The following SEL1L2 variants were observed in gnomAD, a reference collection of about 807,000 sequenced individuals.
The protein encoded by SEL1L2 is SEL1L2 adaptor subunit of SYVN1 ubiquitin ligase, also known as protein sel-1 homolog 2.
In SEL1L2, 89 loss-of-function variants were observed where a neutral mutation model predicts 98.8. The ratio of observed to expected loss-of-function variants is 0.90; its 90% confidence interval spans 0.76 to 1.07. SEL1L2 has a LOEUF of 1.07. SEL1L2 is among the 50% of genes least tolerant of loss of function. SEL1L2 has a pLI of 0.00. For synonymous variants in SEL1L2, 262 were observed against 278.5 expected (o/e 0.94, Z 0.59); for missense variants, 788 against 812.0 (o/e 0.97, Z 0.36).
chr20:13,904,010 C>A (rs1173208099), intron 5 of SEL1L2, among the ~76,000 whole-genome samples: 1 of 152,082 alleles, frequency 6.6e-6, no homozygotes, highest in Admixed American at 6.5e-5. Context: ...TTCCTAAAAT[C>A]AAAATACATC....
chr20:13,971,563 C>T lies in SEL1L2; in HGVS notation c.59-15432G>A, dbSNP rs532850268. The stretch of plus-strand genomic sequence containing the variant: ...ACCTCAGCCTCCTGAGTAGCTGGGA[C>T]CACAGGCATGTGCCACCATAGCTAG... On this transcript the variant is annotated intron_variant, in intron 1 of 19. Coordinates refer to ENST00000284951, the MANE Select transcript of SEL1L2 (RefSeq NM_025229.2). 2.8e-4 allele frequency among the ~76,000 whole-genome samples: 43 copies of T among 151,924 alleles called. 1 individual carries two copies. Among genetic ancestry groups the T allele is most frequent in the Non-Finnish European group, 4.0e-4 (27 of 67,950 alleles).
intron 1 of SEL1L2, among the ~76,000 whole-genome samples, chr20:13,985,809 A>G (rs2052148497): frequency 1.3e-5 from 2 of 152,136 alleles, no homozygotes; most frequent in African/African-American, 2.4e-5. Flanking sequence ...TCATTCCCCA[A>G]TTGCCCCATA....
At chr20:13,939,196 A>G (rs1047409242) in intron 2 of SEL1L2, among the ~76,000 whole-genome samples, 17 of 151,562 alleles carry the variant, frequency 1.1e-4, no homozygotes, top group African/African-American at 3.9e-4. Flanking sequence ...GGTGTGTGCT[A>G]CCATGCCCGG....
At chr20:13,862,994 G>T (rs1392758888) in intron 17 of SEL1L2, among the ~76,000 whole-genome samples, 1 of 152,030 alleles carries the variant, frequency 6.6e-6, no homozygotes, top group Non-Finnish European at 1.5e-5. Context: ...ACTGCACCTG[G>T]TCTATAAAAT....
intron 10 of SEL1L2, among the ~76,000 whole-genome samples, chr20:13,878,834 C>T (rs896745940): frequency 1.5e-4 from 23 of 152,126 alleles, no homozygotes; most frequent in African/African-American, 5.3e-4. Flanking sequence ...ACATTTGCTC[C>T]CTAGCAATGT....
At chr20:13,928,483 T>A (rs1317126267) in intron 3 of SEL1L2, among the ~76,000 whole-genome samples, 1 of 152,190 alleles carries the variant, frequency 6.6e-6, no homozygotes, top group African/African-American at 2.4e-5. Flanking sequence ...CAGATTTTTA[T>A]CTTATCTATA....
At chr20:13,925,781 A>C (rs774488325) in intron 3 of SEL1L2, among the ~76,000 whole-genome samples, 1 of 152,252 alleles carries the variant, frequency 6.6e-6, no homozygotes. Flanking sequence ...AAACATTTAA[A>C]GTTATGACAT....
chr20:13,877,464 T>C (rs1391301193), intron 11 of SEL1L2, 56 bp downstream of exon 11: 1 of 1,413,136 alleles, frequency 7.1e-7, no homozygotes, highest in Non-Finnish European at 9.9e-7. Flanking sequence ...CTATGCCCAG[T>C]TTAATTTCTT....
At chr20:13,870,103 T>A (rs772151492) in intron 13 of SEL1L2, 38 bp downstream of exon 13, 2 of 1,418,698 alleles carry the variant, frequency 1.4e-6, no homozygotes, top group Middle Eastern at 1.8e-4. Context: ...CCCTGTAAAT[T>A]GCTACAAATA....
Position 13,849,595 on chromosome 20 carries a change from T to C in SEL1L2, c.1957A>G (p.Arg653Gly). The C allele has an allele frequency of 6.2e-7, 1 of 1,613,912 alleles. No homozygotes were observed. Among genetic ancestry groups the C allele is most frequent in the Non-Finnish European group, 8.5e-7 (1 of 1,179,898 alleles). ...RDILFFNFTT[R>G]WNWLKLDNTI... Reference sequence around the variant, plus strand: ...TTGTCCAGTTTCAGCCAGTTCCATCTCGTTGTGAACTGCTGGCAAGAGACA... The same window carrying C: ...TTGTCCAGTTTCAGCCAGTTCCATCCCGTTGTGAACTGCTGGCAAGAGACA... The change falls in exon 20 of 20, where the codon AGA becomes GGA. Residue 653 changes from arginine to glycine, a missense_variant. Physicochemically the swap from Arg to Gly is moderately radical, Grantham distance 125. Coordinates refer to ENST00000284951, the MANE Select transcript of SEL1L2 (RefSeq NM_025229.2).
chr20:13,865,928 G>A (rs1990952720), intron 15 of SEL1L2, among the ~76,000 whole-genome samples: 2 of 152,040 alleles, frequency 1.3e-5, no homozygotes, highest in South Asian at 2.1e-4. Flanking sequence ...GATGTGAAAA[G>A]GAGAGAATGA....
chr20:13,966,341 C>T (rs1195340434), intron 1 of SEL1L2, among the ~76,000 whole-genome samples: 3 of 151,980 alleles, frequency 2.0e-5, no homozygotes, highest in East Asian at 1.9e-4. Flanking sequence ...TTTTTTGAGG[C>T]GGAGTTTCGC....
rs545996260 is a variant in SEL1L2, at chr20:13,851,151, C to T, written c.1819-832G>A. Among the ~76,000 whole-genome samples the T allele has an allele frequency of 2.0e-5, 3 of 152,064 alleles. No individual in the cohort carries two copies. The South Asian group carries it at 6.2e-4, about 32-fold the overall frequency. ...ATTTGGCACGAGAATTGCTTGAACC[C>T]GGGAGGCAGCGGTTGCAGTGAGCCA... On this transcript the variant is annotated intron_variant, in intron 18 of 19. Coordinates refer to ENST00000284951, the MANE Select transcript of SEL1L2 (RefSeq NM_025229.2).
intron 2 of SEL1L2, among the ~76,000 whole-genome samples, chr20:13,943,480 GT>G (rs11475670): frequency 0.96 from 133,015 of 138,150 alleles, 64,037 homozygotes; most frequent in South Asian, 0.99. Flanking sequence ...AGAGCTCTGG[GT>G]TTTTTTTTTT....
intron 18 of SEL1L2, among the ~76,000 whole-genome samples, chr20:13,857,063 G>A (rs1989282019): frequency 6.6e-6 from 1 of 152,132 alleles, no homozygotes; most frequent in East Asian, 1.9e-4. Flanking sequence ...CTCTGAGATG[G>A]CAAGATACCT....
chr20:13,906,344 C>T (rs891315927), intron 5 of SEL1L2, among the ~76,000 whole-genome samples: 4 of 152,154 alleles, frequency 2.6e-5, no homozygotes, highest in Non-Finnish European at 5.9e-5. Context: ...AAATATTCCT[C>T]CTTCTACTTT....
chr20:13,949,424 G>C (rs933926577), intron 2 of SEL1L2, among the ~76,000 whole-genome samples: 1 of 152,168 alleles, frequency 6.6e-6, no homozygotes, highest in Non-Finnish European at 1.5e-5. Context: ...CAGCACCTTG[G>C]GAGGCGGAGG....
chr20:13,944,390 C>T (rs2049917716), intron 2 of SEL1L2, among the ~76,000 whole-genome samples: 1 of 152,070 alleles, frequency 6.6e-6, no homozygotes, highest in African/African-American at 2.4e-5. Flanking sequence ...GATGGGTGAG[C>T]TGGTGGAGTA....
At chr20:13,856,937 CT>C (rs1295536675) in intron 18 of SEL1L2, among the ~76,000 whole-genome samples, 14 of 152,130 alleles carry the variant, frequency 9.2e-5, no homozygotes, top group Non-Finnish European at 1.9e-4. Context: ...GACTTAACTG[CT>C]GGGAAGGCCT....
Sources: gnomAD v4.1 joint callset for allele counts (sites outside exome capture counted in the v4.1 genomes callset) on GRCh38, gnomAD v4.1.1 for gene constraint, MANE v1.5 for transcripts, NCBI Gene and HGNC (gene_info 2026-07-23, HGNC 2026-07-21) for gene names.